The following DDRGK1 variants were observed in gnomAD, a reference collection of about 807,000 sequenced individuals.
DDRGK1 encodes DDRGK domain containing 1.
DDRGK1 carries 38 observed loss-of-function variants against 45.8 expected under a neutral mutation model. The observed-to-expected ratio is 0.83, with a 90% confidence interval of 0.64 to 1.09. DDRGK1 has a LOEUF of 1.09. Among genes scored for constraint, DDRGK1 ranks in the 50% least tolerant of loss-of-function variants. The probability of loss-of-function intolerance (pLI) is 0.00; values close to 1 mark genes in which losing one functional copy is unlikely to be tolerated. For synonymous variants in DDRGK1, 171 were observed against 168.7 expected (o/e 1.01, Z -0.11); for missense variants, 403 against 419.9 (o/e 0.96, Z 0.35).
chr20:3,203,169 C>T (rs528887476), intron 2 of DDRGK1, 44 bp downstream of exon 2: 120 of 1,477,462 alleles, frequency 8.1e-5, no homozygotes, highest in Non-Finnish European at 1.0e-4. Context: ...TTTATCCCCC[C>T]CTCCAACCCA....
rs2067058413 is a variant in DDRGK1, at chr20:3,204,647, A to T, written c.-20T>A. The T allele has an allele frequency of 6.4e-6, 10 of 1,564,662 alleles. No homozygotes were observed. Among genetic ancestry groups the T allele is most frequent in the Non-Finnish European group, 8.6e-6 (10 of 1,159,498 alleles). On this transcript the variant is annotated 5_prime_UTR_variant, in exon 1 of 9. Transcript: ENST00000354488. ...CACCATGACGAGGGCCTCAGTGCAG[A>T]ACCACTGCGTCCACCCTGAGGCCGG...
chr20:3,203,809 C>T (rs1050912218), intron 1 of DDRGK1, among the ~76,000 whole-genome samples: 1 of 152,210 alleles, frequency 6.6e-6, no homozygotes, highest in African/African-American at 2.4e-5. Context: ...GGTGGCCGAG[C>T]CTCCCCCGGG....
At position 3,190,639 on chromosome 20, in the gene DDRGK1, G is replaced by A. The variant is rs41281844; in HGVS notation, c.*14C>T. On this transcript the variant is annotated 3_prime_UTR_variant, in exon 9 of 9. Transcript: ENST00000354488. ...GGCCACACCAACTCTGAGTCCAAGA[G>A]GGAAGGACTGGGGTCAGGCTGGGGC... 0.015 allele frequency: 23,864 copies of A among 1,612,996 alleles called. 261 individuals are homozygous for A. The highest frequency in any genetic ancestry group is 0.053 in the Middle Eastern group (300 of 5,674).
At chr20:3,190,851 C>A in intron 8 of DDRGK1, 32 bp from the exon 9 acceptor site, 1 of 1,587,200 alleles carries the variant, frequency 6.3e-7, no homozygotes. Flanking sequence ...GGGGCTGAGG[C>A]CTCCTGGGCG....
At chr20:3,198,700 C>CAAAA (rs151197280) in intron 4 of DDRGK1, among the ~76,000 whole-genome samples, 2 of 41,580 alleles carry the variant, frequency 4.8e-5, no homozygotes, top group African/African-American at 1.0e-4. Flanking sequence ...AACTCCGTTT[C>CAAAA]AAAAAAAAAA....
Position 3,200,061 on chromosome 20 carries a change from G to A in DDRGK1, c.450C>T (p.Ser150=), listed in dbSNP as rs777142629. 2 of 1,613,906 alleles carry A rather than the reference G, an allele frequency of 1.2e-6. No individual in the cohort carries two copies. The highest frequency in any genetic ancestry group is 1.7e-6 in the Non-Finnish European group (2 of 1,180,014). The change falls in exon 4 of 9, where the codon TCC becomes TCT. Residue 150 remains serine, a synonymous_variant. Transcript: ENST00000354488. ...CCTTCTTCCACTCAGCTTCGCGCTG[G>A]GACTCGAGTCGTTTCCGCTCCTCAC... ...AEREERKRLE[S]QREAEWKKEE...
At position 3,204,413 on chromosome 20, in the gene DDRGK1, C is replaced by T. The variant is rs570721460; in HGVS notation, c.91+124G>A. ...CCCCACCCGGCACACGACTAGCGCACGGACGCGCATGCGTCCCGCCCGCCC... is the reference window on the plus strand; with the variant it reads ...CCCCACCCGGCACACGACTAGCGCATGGACGCGCATGCGTCCCGCCCGCCC... On this transcript the variant is annotated intron_variant, in intron 1 of 8. Transcript: ENST00000354488. 3.9e-5 allele frequency: 38 copies of T among 963,714 alleles called. No homozygotes were observed. In the South Asian group the frequency reaches 4.6e-4, roughly 12 times the overall value. 59.7% of individuals were successfully genotyped at this position (963,714 alleles called of 1,614,324 possible). A position where few individuals can be genotyped will look rare whatever the true frequency, so the allele number is the denominator to read the frequency against.
At chr20:3,200,988 T>C (rs1215116373) in intron 2 of DDRGK1, among the ~76,000 whole-genome samples, 3 of 152,130 alleles carry the variant, frequency 2.0e-5, no homozygotes, top group Non-Finnish European at 4.4e-5. Flanking sequence ...CGGGCACCTG[T>C]AGTCCCAGCT....
intron 2 of DDRGK1, among the ~76,000 whole-genome samples, chr20:3,202,141 G>A (rs541859210): frequency 3.5e-5 from 5 of 144,816 alleles, no homozygotes; most frequent in Non-Finnish European, 4.5e-5. Context: ...CATCACGCCC[G>A]GCTAATTTTT....
Position 3,200,335 on chromosome 20 carries a change from G to A in DDRGK1, c.408+7C>T, listed in dbSNP as rs761395676. The stretch of plus-strand genomic sequence containing the variant: ...TCCCAGAGCTGCACCCCATCCCTCC[G>A]GCTTGCCTCACGCTGGGCCTTTCGC... On this transcript the variant is annotated splice_region_variant and intron_variant, in intron 3 of 8. Transcript: ENST00000354488. 2.0e-5 allele frequency: 31 copies of A among 1,558,138 alleles called. No homozygotes were observed. Among genetic ancestry groups the A allele is most frequent in the Middle Eastern group, 1.7e-4 (1 of 5,968 alleles).
intron 6 of DDRGK1, among the ~76,000 whole-genome samples, chr20:3,192,456 G>A (rs997107642): frequency 2.0e-5 from 3 of 152,280 alleles, no homozygotes; most frequent in African/African-American, 7.2e-5. Context: ...GGCTGTGGGG[G>A]CCCACTCCTG....
rs749674219 is a variant in DDRGK1 at position 3,191,232 on chromosome 20, T to C, written c.736A>G (p.Ile246Val). The change falls in exon 8 of 9, where the codon ATA becomes GTA. Residue 246 changes from isoleucine to valine, a missense_variant. Ile to Val is a conservative substitution (Grantham distance 29). Transcript: ENST00000354488. ...GCCAGCAGGTCCTGGATGCGATTTA[T>C]GGTGTCCTATGAGGAGAACAACTCT... ...SQVGLRTQDTINRIQDLLAEG... is the reference protein window; with the variant it reads ...SQVGLRTQDTVNRIQDLLAEG... 4 of 1,614,102 alleles carry C rather than the reference T, an allele frequency of 2.5e-6. No homozygotes were observed. Among genetic ancestry groups the C allele is most frequent in the Non-Finnish European group, 2.5e-6 (3 of 1,180,044 alleles).
intron 6 of DDRGK1, 157 bp downstream of exon 6, chr20:3,194,673 C>T (rs1489639077): frequency 4.3e-6 from 4 of 941,102 alleles, no homozygotes; most frequent in Admixed American, 2.7e-5. Context: ...GGGAGAGAAA[C>T]TCTCCTGGCC....
intron 8 of DDRGK1, 54 bp downstream of exon 8, chr20:3,191,136 T>A: frequency 1.2e-6 from 2 of 1,608,198 alleles, no homozygotes; most frequent in Non-Finnish European, 1.7e-6. Context: ...GCAGCCCCTG[T>A]GGCTAGACAC....
At chr20:3,200,638 T>C (rs1040289070) in intron 2 of DDRGK1, among the ~76,000 whole-genome samples, 184 bp from the exon 3 acceptor site, 2 of 152,140 alleles carry the variant, frequency 1.3e-5, no homozygotes, top group African/African-American at 4.8e-5. Flanking sequence ...TGCATGAATA[T>C]GTAGGGATGG....
intron 1 of DDRGK1, among the ~76,000 whole-genome samples, chr20:3,203,812 C>T (rs890949816): frequency 1.3e-5 from 2 of 152,196 alleles, no homozygotes; most frequent in Non-Finnish European, 2.9e-5. Flanking sequence ...GGCCGAGCCT[C>T]CCCCGGGAAG....
At position 3,198,071 on chromosome 20, in the gene DDRGK1, C is replaced by T. The variant is rs560885010; in HGVS notation, c.510+1930G>A. 2.2e-5 allele frequency among the ~76,000 whole-genome samples: 3 copies of T among 139,150 alleles called. No homozygotes were observed. The East Asian group carries it at 6.5e-4, about 30-fold the overall frequency. The allele number at this position is 139,150 out of a possible 152,430, so 91.3% of individuals were successfully genotyped here. On this transcript the variant is annotated intron_variant, in intron 4 of 8. Coordinates refer to ENST00000354488, the MANE Select transcript of DDRGK1 (RefSeq NM_023935.3). ...TTTGAAGGTGCAGTGAGCACTCCAG[C>T]CTGGGTGAGAGTGAGACTCCATCTC... is the stretch of plus-strand genomic sequence containing the variant.
At chr20:3,197,115 C>G (rs985705374) in intron 4 of DDRGK1, among the ~76,000 whole-genome samples, 1 of 149,668 alleles carries the variant, frequency 6.7e-6, no homozygotes, top group Non-Finnish European at 1.5e-5. Flanking sequence ...CCCAGCTACT[C>G]GAGAGGCTGA....
At chr20:3,191,696 G>T in intron 7 of DDRGK1, 69 bp downstream of exon 7, 1 of 1,507,810 alleles carries the variant, frequency 6.6e-7, no homozygotes, top group Non-Finnish European at 9.0e-7. Context: ...TATCTTTAGG[G>T]CAGGTCCTCT....
Sources: allele counts gnomAD v4.1 joint callset (sites outside exome capture counted in the v4.1 genomes callset), GRCh38; gene constraint gnomAD v4.1.1; transcripts MANE v1.5; gene names NCBI Gene and HGNC (gene_info 2026-07-23, HGNC 2026-07-21).